VWA3B: variants seen among roughly 807,000 people sequenced by gnomAD.
The protein encoded by VWA3B is von Willebrand factor A domain containing 3B, also known as von Willebrand factor A domain-containing protein 3B.
Under a neutral mutation model 158.3 loss-of-function variants are expected in VWA3B, and 138 were observed. That is an observed-to-expected ratio of 0.87 (90% CI 0.76 to 1.00). The LOEUF is 1.00. VWA3B is among the 50% of genes least tolerant of loss of function. The probability of loss-of-function intolerance (pLI) is 0.00; values close to 1 mark genes in which losing one functional copy is unlikely to be tolerated. For synonymous variants in VWA3B, 596 were observed against 587.3 expected (o/e 1.01, Z -0.21); for missense variants, 1,555 against 1,565.1 (o/e 0.99, Z 0.11).
At chr2:98,164,353 GA>G (rs1678894348) in intron 8 of VWA3B, among the ~76,000 whole-genome samples, 1 of 152,216 alleles carries the variant, frequency 6.6e-6, no homozygotes, top group South Asian at 2.1e-4. Context: ...ATAGCCACTT[GA>G]AACTTTGGAG....
chr2:98,294,114 G>A (rs911023480), intron 23 of VWA3B, among the ~76,000 whole-genome samples: 1 of 142,606 alleles, frequency 7.0e-6, no homozygotes, highest in Admixed American at 7.4e-5. Flanking sequence ...CTAGAGGCAC[G>A]TGATGCTCAC....
At position 98,123,809 on chromosome 2, in the gene VWA3B, G is replaced by A. The variant is rs376537601; in HGVS notation, c.702+2351G>A. On this transcript the variant is annotated intron_variant, in intron 5 of 27. Transcript: ENST00000477737. Reference sequence around the variant, plus strand: ...AAGTTAGTAGCTTCCCAGGCCTCACGAGGAAGGGTGGTGTACAGGATGAAA... The same window carrying A: ...AAGTTAGTAGCTTCCCAGGCCTCACAAGGAAGGGTGGTGTACAGGATGAAA... 1.4e-4 allele frequency among the ~76,000 whole-genome samples: 22 copies of A among 152,218 alleles called. No individual in the cohort carries two copies. The East Asian group carries it at 2.3e-3, about 16-fold the overall frequency.
chr2:98,170,285 G>A (rs767538406), intron 8 of VWA3B, among the ~76,000 whole-genome samples: 6 of 152,132 alleles, frequency 3.9e-5, no homozygotes, highest in Non-Finnish European at 7.3e-5. Context: ...ATCATTAGTC[G>A]AATCACATTG....
chr2:98,322,032 C>T, the VWA3B span, among the ~76,000 whole-genome samples: 97 of 152,300 alleles, frequency 6.4e-4, 1 homozygote, highest in African/African-American at 2.2e-3. Context: ...CCTGCACATG[C>T]TCTCTTGCCT....
intron 2 of VWA3B, among the ~76,000 whole-genome samples, chr2:98,095,614 C>A (rs1481261024): frequency 1.3e-5 from 2 of 152,118 alleles, no homozygotes; most frequent in African/African-American, 4.8e-5. Flanking sequence ...CTGTTAATTT[C>A]TTTCTGTTGC....
At chr2:98,299,559 T>C (rs1254753107) in intron 24 of VWA3B, among the ~76,000 whole-genome samples, 2 of 152,218 alleles carry the variant, frequency 1.3e-5, no homozygotes, top group Non-Finnish European at 2.9e-5. Flanking sequence ...AGTGCTCTTG[T>C]ACCCTGATGA....
intron 1 of VWA3B, among the ~76,000 whole-genome samples, chr2:98,088,761 TA>T (rs1194550191): frequency 4.6e-5 from 7 of 152,224 alleles, no homozygotes; most frequent in Non-Finnish European, 1.0e-4. Flanking sequence ...TATCCCCCTT[TA>T]TTTTTTTTTG....
chr2:98,289,993 G>C (rs1689389769), intron 22 of VWA3B, among the ~76,000 whole-genome samples: 1 of 152,188 alleles, frequency 6.6e-6, no homozygotes, highest in Non-Finnish European at 1.5e-5. Flanking sequence ...TGAGTGTATA[G>C]TACAGGGATA....
intron 2 of VWA3B, among the ~76,000 whole-genome samples, chr2:98,102,456 G>A (rs1363053768): frequency 6.6e-6 from 1 of 152,116 alleles, no homozygotes; most frequent in African/African-American, 2.4e-5. Context: ...CAGTGGCCAG[G>A]CAGAGGTGCT....
intron 26 of VWA3B, among the ~76,000 whole-genome samples, chr2:98,310,597 A>T (rs902318791): frequency 6.6e-6 from 1 of 152,220 alleles, no homozygotes; most frequent in African/African-American, 2.4e-5. Context: ...CTCTGGAGAG[A>T]GGTAGCAATT....
intron 2 of VWA3B, among the ~76,000 whole-genome samples, chr2:98,098,462 A>G (rs1177026378): frequency 6.6e-6 from 1 of 152,054 alleles, no homozygotes; most frequent in East Asian, 1.9e-4. Context: ...TGATTATATA[A>G]TAACCTTCTT....
At chr2:98,288,147 G>T (rs758402336) in intron 22 of VWA3B, among the ~76,000 whole-genome samples, 5 of 152,100 alleles carry the variant, frequency 3.3e-5, no homozygotes, top group Non-Finnish European at 5.9e-5. Context: ...CTTTTACCTT[G>T]AGAATTGGTC....
At chr2:98,308,562 G>A (rs1690676766) in intron 26 of VWA3B, among the ~76,000 whole-genome samples, 1 of 152,234 alleles carries the variant, frequency 6.6e-6, no homozygotes, top group African/African-American at 2.4e-5. Flanking sequence ...CAGGGCAGGG[G>A]ACTCACAGAC....
At chr2:98,231,159 A>G (rs1031242015) in intron 16 of VWA3B, among the ~76,000 whole-genome samples, 2 of 152,202 alleles carry the variant, frequency 1.3e-5, no homozygotes, top group Non-Finnish European at 2.9e-5. Flanking sequence ...TTGAGACACC[A>G]TGTTCATAGG....
At chr2:98,239,188 A>G (rs1685902541) in intron 19 of VWA3B, among the ~76,000 whole-genome samples, 1 of 152,200 alleles carries the variant, frequency 6.6e-6, no homozygotes, top group South Asian at 2.1e-4. Flanking sequence ...CTATGTAAGG[A>G]AATAATTAGA....
intron 8 of VWA3B, among the ~76,000 whole-genome samples, chr2:98,165,117 A>G (rs1678956962): frequency 6.6e-6 from 1 of 152,246 alleles, no homozygotes; most frequent in African/African-American, 2.4e-5. Flanking sequence ...ATTCTCCTGC[A>G]TGGCCTTTCC....
At chr2:98,171,812 G>A (rs1318452697) in intron 8 of VWA3B, among the ~76,000 whole-genome samples, 3 of 152,194 alleles carry the variant, frequency 2.0e-5, no homozygotes, top group Non-Finnish European at 4.4e-5. Flanking sequence ...GGAGGAGCCT[G>A]TGAAGGTGAT....
chr2:98,247,591 A>G (rs1184469201), intron 19 of VWA3B, among the ~76,000 whole-genome samples: 1 of 152,164 alleles, frequency 6.6e-6, no homozygotes, highest in East Asian at 1.9e-4. Flanking sequence ...AGTCTCTGTT[A>G]ACTGTAAATT....
intron 22 of VWA3B, among the ~76,000 whole-genome samples, chr2:98,289,080 C>G (rs1558764914): frequency 6.6e-6 from 1 of 151,760 alleles, no homozygotes; most frequent in Non-Finnish European, 1.5e-5. Context: ...TCCTTAAGGT[C>G]CTATGTGATA....
Sources: allele counts gnomAD v4.1 joint callset (sites outside exome capture counted in the v4.1 genomes callset), GRCh38; gene constraint gnomAD v4.1.1; transcripts MANE v1.5; gene names NCBI Gene and HGNC (gene_info 2026-07-23, HGNC 2026-07-21).